The following ABCA12 variants were observed in gnomAD, a reference collection of about 807,000 sequenced individuals.
ABCA12 encodes the protein glucosylceramide transporter ABCA12.
ABCA12 carries 156 observed loss-of-function variants against 293.5 expected under a neutral mutation model. That is an observed-to-expected ratio of 0.53 (90% CI 0.47 to 0.61). The LOEUF (loss-of-function observed/expected upper bound fraction) is 0.61, where lower values mean the gene tolerates loss of function less well. Ranked by LOEUF, ABCA12 falls within the 20% of genes least tolerant of loss-of-function variation. The pLI is 0.00. For synonymous variants in ABCA12, 1,063 were observed against 1,108.0 expected (o/e 0.96, Z 0.81); for missense variants, 2,797 against 3,090.2 (o/e 0.91, Z 2.25).
intron 8 of ABCA12, 183 bp from the exon 9 acceptor site, chr2:215,032,079 T>C (rs1700890842): frequency 2.7e-6 from 4 of 1,465,422 alleles, no homozygotes; most frequent in Non-Finnish European, 2.7e-6. Flanking sequence ...GTGATATTTA[T>C]AGGAAATAGA....
Position 215,064,066 on chromosome 2 carries a change from C to A in ABCA12, c.317G>T (p.Ser106Ile). ...GAACACACTTGAGAAGTGCCCCCAC[C>A]TGTCTTTAAATAGTGCATCATCAAT... ...KGIDDALFKDSEILRKSSNLD... is the reference protein window; with the variant it reads ...KGIDDALFKDIEILRKSSNLD... Residue 106 changes from serine (S) to isoleucine (I), a missense_variant and splice_region_variant, in exon 3 of 53, where the codon AGT (serine) becomes ATT (isoleucine). Around this residue, in one of 3 missense-constraint regions of ABCA12, gnomAD observed 656 missense variants for 638.2 expected, o/e 1.03. Coordinates refer to ENST00000272895, the MANE Select transcript of ABCA12 (RefSeq NM_173076.3). 1 of 1,612,648 alleles carries A rather than the reference C, an allele frequency of 6.2e-7. No individual in the cohort carries two copies. Among genetic ancestry groups the A allele is most frequent in the Non-Finnish European group, 8.5e-7 (1 of 1,178,982 alleles).
chr2:215,113,491 G>A (rs574506479), intron 1 of ABCA12, among the ~76,000 whole-genome samples: 1 of 152,286 alleles, frequency 6.6e-6, no homozygotes, highest in Non-Finnish European at 1.5e-5. Flanking sequence ...TGAGGTGGGG[G>A]CTGAGATTCT....
intron 2 of ABCA12, among the ~76,000 whole-genome samples, chr2:215,109,626 T>C (rs1036952796): frequency 5.3e-5 from 8 of 152,218 alleles, no homozygotes; most frequent in South Asian, 2.1e-4. Context: ...CAATGTTTTT[T>C]CAGAGCCCTT....
At chr2:215,100,571 G>GT (rs57375094) in intron 2 of ABCA12, among the ~76,000 whole-genome samples, 152,293 of 152,336 alleles carry the variant, frequency 1, 76,125 homozygotes, top group Non-Finnish European at 1. Context: ...GCAAAGTACT[G>GT]GCCAAGATCT....
At chr2:214,994,468 T>A (rs924850994) in intron 23 of ABCA12, among the ~76,000 whole-genome samples, 7 of 152,202 alleles carry the variant, frequency 4.6e-5, no homozygotes, top group Admixed American at 4.6e-4. Flanking sequence ...GCCACATTCA[T>A]GAGAAGCTTA....
At chr2:214,974,650 T>C (rs985583415) in intron 35 of ABCA12, 128 bp downstream of exon 35, 1 of 886,110 alleles carries the variant, frequency 1.1e-6, no homozygotes, top group Non-Finnish European at 1.9e-6. Flanking sequence ...CAAAATCTGT[T>C]AAACAGGGAT....
chr2:214,937,433 A>G (rs1199058885), intron 51 of ABCA12, 77 bp downstream of exon 51: 16 of 1,173,276 alleles, frequency 1.4e-5, no homozygotes, highest in East Asian at 7.3e-5. Context: ...TCCTGACCTC[A>G]AGTGATTGCC....
At chr2:215,047,824 A>C (rs1043612664) in intron 6 of ABCA12, among the ~76,000 whole-genome samples, 2 of 152,198 alleles carry the variant, frequency 1.3e-5, no homozygotes, top group Non-Finnish European at 2.9e-5. Flanking sequence ...GACAAATGGG[A>C]TCTAATTAAA....
At chr2:215,051,056 C>T (rs1701310948) in intron 5 of ABCA12, among the ~76,000 whole-genome samples, 1 of 152,020 alleles carries the variant, frequency 6.6e-6, no homozygotes, top group Non-Finnish European at 1.5e-5. Flanking sequence ...TTGGGAGTTT[C>T]AATATGACAA....
intron 51 of ABCA12, among the ~76,000 whole-genome samples, chr2:214,936,347 C>CA (rs1300197306): frequency 6.6e-6 from 1 of 152,072 alleles, no homozygotes; most frequent in Non-Finnish European, 1.5e-5. Context: ...ATGTATCACC[C>CA]ATGAATAGTG....
At chr2:215,004,103 C>T (rs1348748216) in intron 20 of ABCA12, 106 bp downstream of exon 20, 3 of 954,992 alleles carry the variant, frequency 3.1e-6, no homozygotes, top group African/African-American at 1.6e-5. Context: ...TAGCTAGCTA[C>T]AAACTAAGTA....
chr2:214,943,078 A>G (rs1339952950), intron 49 of ABCA12, 61 bp from the exon 50 acceptor site: 1 of 1,264,234 alleles, frequency 7.9e-7, no homozygotes, highest in Non-Finnish European at 1.2e-6. Context: ...GTTGAAGTTC[A>G]TGAGCATAAG....
At chr2:215,114,502 T>C (rs1033577642) in intron 1 of ABCA12, among the ~76,000 whole-genome samples, 2 of 152,152 alleles carry the variant, frequency 1.3e-5, no homozygotes, top group Non-Finnish European at 2.9e-5. Context: ...ATATATCCAA[T>C]TGTGAGGCAG....
chr2:214,935,164 C>T (rs1171900362), intron 51 of ABCA12, among the ~76,000 whole-genome samples: 2 of 152,192 alleles, frequency 1.3e-5, no homozygotes, highest in Non-Finnish European at 2.9e-5. Flanking sequence ...ATATCTGTTA[C>T]TGCAATTGGG....
chr2:215,129,552 C>A (rs558716977), intron 1 of ABCA12, among the ~76,000 whole-genome samples: 1 of 152,222 alleles, frequency 6.6e-6, no homozygotes, highest in African/African-American at 2.4e-5. Context: ...CTGCTCATAT[C>A]CTTTGCCCAG....
intron 2 of ABCA12, among the ~76,000 whole-genome samples, chr2:215,085,088 CAAAAAAAA>C (rs34532043): frequency 1.0e-5 from 1 of 95,798 alleles, no homozygotes; most frequent in African/African-American, 3.6e-5. Flanking sequence ...ACCCTGTCTC[CAAAAAAAA>C]AAAAAAAAAA....
intron 7 of ABCA12, among the ~76,000 whole-genome samples, chr2:215,044,930 T>TGC (rs1701171259): frequency 2.0e-5 from 3 of 152,074 alleles, no homozygotes; most frequent in African/African-American, 7.3e-5. Context: ...ATTAGTGACA[T>TGC]ATAAGAGAGG....
intron 2 of ABCA12, among the ~76,000 whole-genome samples, chr2:215,081,200 AGCTGCAGTG>A (rs1190267062): frequency 6.6e-6 from 1 of 152,200 alleles, no homozygotes; most frequent in Admixed American, 6.5e-5. Flanking sequence ...CAAACAGGCC[AGCTGCAGTG>A]GCTCACGCCT....
At chr2:215,088,569 C>T (rs1702083549) in intron 2 of ABCA12, among the ~76,000 whole-genome samples, 1 of 152,124 alleles carries the variant, frequency 6.6e-6, no homozygotes, top group Non-Finnish European at 1.5e-5. Flanking sequence ...TAATGAAAAG[C>T]TATTAGATTC....
Sources: allele counts gnomAD v4.1 joint callset (sites outside exome capture counted in the v4.1 genomes callset), GRCh38; gene constraint gnomAD v4.1.1; regional missense constraint gnomAD v4.1.1; transcripts MANE v1.5; gene names NCBI Gene and HGNC (gene_info 2026-07-23, HGNC 2026-07-21).